The following MACC1 variants were observed in gnomAD, a reference collection of about 807,000 sequenced individuals.
The protein encoded by MACC1 is MET transcriptional regulator MACC1.
Under a neutral mutation model 70.7 loss-of-function variants are expected in MACC1, and 79 were observed. The observed-to-expected ratio is 1.12, with a 90% confidence interval of 0.93 to 1.35. The LOEUF is 1.35. Ranked by LOEUF, MACC1 falls within the 40% of genes most tolerant of loss-of-function variation. The probability of loss-of-function intolerance (pLI) is 0.00; values close to 1 mark genes in which losing one functional copy is unlikely to be tolerated. For missense variants in MACC1, 1,106 were observed against 978.1 expected (o/e 1.13, Z -1.74); for synonymous variants, 361 against 347.2 (o/e 1.04, Z -0.44).
At chr7:20,143,023 C>A (rs1029047930) in intron 6 of MACC1, among the ~76,000 whole-genome samples, 9 of 152,200 alleles carry the variant, frequency 5.9e-5, no homozygotes, top group African/African-American at 2.2e-4. Context: ...TAAAGCATCG[C>A]AGAAAACAGA....
intron 6 of MACC1, among the ~76,000 whole-genome samples, chr7:20,151,435 A>G (rs76273737): frequency 0.013 from 2,017 of 152,330 alleles, 41 homozygotes; most frequent in Admixed American, 0.04. Flanking sequence ...ATCTTTGTAT[A>G]GTGTAAGTGC....
In MACC1 at chr7:20,159,074, C is replaced by A. The variant is rs1562585606; in HGVS notation, c.1287G>T (p.Lys429Asn). 25 of 1,613,274 alleles carry A rather than the reference C, an allele frequency of 1.5e-5. No individual in the cohort carries two copies. Among genetic ancestry groups the A allele is most frequent in the Non-Finnish European group, 2.1e-5 (25 of 1,179,884 alleles). The change falls in exon 5 of 7, where the codon AAG becomes AAT. Residue 429 changes from lysine (K) to asparagine (N), a missense_variant. Lys to Asn is a moderately conservative substitution (Grantham distance 94). Transcript: ENST00000400331. ...AAATAGAAATACTTAAATCTTGTGG[C>A]TTGTCAAGTAAAAATGACTGCTTCC... ...LWGKQSFLLDKPQDLSISIFS... is the reference protein window; with the variant it reads ...LWGKQSFLLDNPQDLSISIFS...
In MACC1 at chr7:20,181,588, T is replaced by C. The variant is rs138483455; in HGVS notation, c.-217-10810A>G. Among the ~76,000 whole-genome samples the C allele has an allele frequency of 4.8e-3, 737 of 152,278 alleles. 7 individuals are homozygous for C. The highest frequency in any genetic ancestry group is 0.017 in the African/African-American group (704 of 41,568). On this transcript the variant is annotated intron_variant, in intron 1 of 6. Transcript: ENST00000400331. ...ATTTGCTAAAATTCCATATTGAATT[T>C]CATAAAAATATGCCAACAACCTAGA... is the stretch of plus-strand genomic sequence containing the variant.
chr7:20,144,790 CAT>C (rs1194944092), intron 6 of MACC1, among the ~76,000 whole-genome samples: 3 of 151,718 alleles, frequency 2.0e-5, no homozygotes, highest in African/African-American at 7.3e-5. Flanking sequence ...TGGCAAAACA[CAT>C]GAGAGCAGAA....
intron 1 of MACC1, among the ~76,000 whole-genome samples, chr7:20,185,827 A>C (rs1411187667): frequency 6.6e-6 from 1 of 152,214 alleles, no homozygotes; most frequent in Non-Finnish European, 1.5e-5. Context: ...AATGCTGTGC[A>C]ATAGGTAACA....
chr7:20,172,251 C>T (rs965999167), intron 1 of MACC1, among the ~76,000 whole-genome samples: 1 of 152,174 alleles, frequency 6.6e-6, no homozygotes, highest in African/African-American at 2.4e-5. Flanking sequence ...GGGTGAGCTG[C>T]CATTGATCTG....
chr7:20,191,621 C>T (rs1470014695), intron 1 of MACC1, among the ~76,000 whole-genome samples: 1 of 152,148 alleles, frequency 6.6e-6, no homozygotes, highest in Non-Finnish European at 1.5e-5. Flanking sequence ...AGGATGCAGG[C>T]ATCCATAGCT....
At chr7:20,215,055 T>C (rs955619696) in intron 1 of MACC1, among the ~76,000 whole-genome samples, 1 of 151,306 alleles carries the variant, frequency 6.6e-6, no homozygotes, top group Non-Finnish European at 1.5e-5. Flanking sequence ...ACTCTGCTTC[T>C]GAATGACTCA....
In MACC1 at chr7:20,211,399, A is replaced by G. The variant is rs6947437; in HGVS notation, c.-218+5900T>C. 5.0e-3 allele frequency among the ~76,000 whole-genome samples: 763 copies of G among 152,298 alleles called. 3 individuals are homozygous for G. Among genetic ancestry groups the G allele is most frequent in the African/African-American group, 0.018 (737 of 41,568 alleles). On this transcript the variant is annotated intron_variant, in intron 1 of 6. Coordinates refer to ENST00000400331, the MANE Select transcript of MACC1 (RefSeq NM_182762.4). ...TTAATACTAAAGTAAGTGCCTGTTAAATGGAAAAGTCATATGAATAATACT... is the reference window on the plus strand; with the variant it reads ...TTAATACTAAAGTAAGTGCCTGTTAGATGGAAAAGTCATATGAATAATACT...
chr7:20,207,669 C>T (rs143617833), intron 1 of MACC1, among the ~76,000 whole-genome samples: 93 of 151,908 alleles, frequency 6.1e-4, no homozygotes, highest in African/African-American at 1.9e-3. Flanking sequence ...CATCAATAAA[C>T]GAATGTTTAA....
intron 1 of MACC1, among the ~76,000 whole-genome samples, chr7:20,196,232 G>A (rs1277813357): frequency 1.3e-5 from 2 of 152,112 alleles, no homozygotes; most frequent in Non-Finnish European, 2.9e-5. Flanking sequence ...CCAGGCTGGA[G>A]TGCAGTGGCG....
intron 1 of MACC1, among the ~76,000 whole-genome samples, chr7:20,179,146 T>C (rs1782460161): frequency 1.3e-5 from 2 of 152,226 alleles, no homozygotes; most frequent in African/African-American, 4.8e-5. Context: ...ATATATTAGG[T>C]TTCCATTACT....
At chr7:20,142,563 T>A (rs972870015) in intron 6 of MACC1, among the ~76,000 whole-genome samples, 6 of 152,236 alleles carry the variant, frequency 3.9e-5, no homozygotes, top group Middle Eastern at 3.2e-3. Flanking sequence ...TCTGATGGAA[T>A]GTGAATGAGG....
At chr7:20,167,790 C>T (rs2128103962) in intron 2 of MACC1, among the ~76,000 whole-genome samples, 1 of 152,246 alleles carries the variant, frequency 6.6e-6, no homozygotes. Flanking sequence ...GGGCATGTGA[C>T]CTGTGCAATA....
intron 1 of MACC1, among the ~76,000 whole-genome samples, chr7:20,175,467 C>T (rs1343163550): frequency 2.6e-5 from 4 of 151,972 alleles, no homozygotes; most frequent in African/African-American, 9.7e-5. Flanking sequence ...TAAAAAAACA[C>T]TTATAGGTTA....
intron 1 of MACC1, among the ~76,000 whole-genome samples, chr7:20,195,908 T>A (rs1301723728): frequency 6.6e-6 from 1 of 152,226 alleles, no homozygotes. Context: ...ATAATTAGGT[T>A]GTCTTATTGC....
chr7:20,166,065 G>T (rs552349356), intron 2 of MACC1, among the ~76,000 whole-genome samples: 2 of 152,264 alleles, frequency 1.3e-5, no homozygotes, highest in Admixed American at 6.5e-5. Flanking sequence ...TGTGTCCTTT[G>T]AATTTTTTAT....
At chr7:20,175,666 T>G (rs903137940) in intron 1 of MACC1, among the ~76,000 whole-genome samples, 3 of 152,140 alleles carry the variant, frequency 2.0e-5, no homozygotes, top group Admixed American at 1.3e-4. Flanking sequence ...TTAGGTAACA[T>G]TTCATCCTGT....
chr7:20,154,648 A>AT (rs564898703), intron 5 of MACC1, among the ~76,000 whole-genome samples: 68 of 152,286 alleles, frequency 4.5e-4, no homozygotes, highest in African/African-American at 1.6e-3. Context: ...CACTTAACTA[A>AT]TATGTGTCTT....
Sources: allele counts gnomAD v4.1 joint callset (sites outside exome capture counted in the v4.1 genomes callset), GRCh38; gene constraint gnomAD v4.1.1; transcripts MANE v1.5; gene names NCBI Gene and HGNC (gene_info 2026-07-23, HGNC 2026-07-21).